UBE2H: variants seen among roughly 807,000 people sequenced by gnomAD.
The protein encoded by UBE2H is ubiquitin conjugating enzyme E2 H.
Under a neutral mutation model 29.0 loss-of-function variants are expected in UBE2H, and 3 were observed. The ratio of observed to expected loss-of-function variants is 0.10; its 90% CI spans 0.05 to 0.27. The LOEUF (loss-of-function observed/expected upper bound fraction) is 0.27. Among genes scored for constraint, UBE2H ranks in the 10% least tolerant of loss-of-function variants. UBE2H has a pLI of 1.00. For synonymous variants in UBE2H, 69 were observed against 82.9 expected, an observed-to-expected ratio of 0.83 and a Z score of 0.91; for missense variants, 68 against 228.2, an observed-to-expected ratio of 0.30 and a Z score of 4.52.
chr7:129,893,676 T>A (rs745948140), intron 1 of UBE2H, among the ~76,000 whole-genome samples: 1 of 152,250 alleles, frequency 6.6e-6, no homozygotes. Context: ...TAGAAGGCTA[T>A]CGATGAAATA....
chr7:129,873,310 C>T (rs1033030637), intron 3 of UBE2H, among the ~76,000 whole-genome samples: 6 of 152,042 alleles, frequency 3.9e-5, no homozygotes, highest in Admixed American at 6.6e-5. Context: ...TGAGCCACCA[C>T]GCCCAGCCAG....
At chr7:129,949,958 T>C (rs924614654) in intron 1 of UBE2H, among the ~76,000 whole-genome samples, 20 of 152,136 alleles carry the variant, frequency 1.3e-4, no homozygotes, top group African/African-American at 4.3e-4. Context: ...CTACTTCCTC[T>C]CCACCATCTT....
chr7:129,874,978 A>G (rs915948204), intron 3 of UBE2H, among the ~76,000 whole-genome samples: 2 of 152,212 alleles, frequency 1.3e-5, no homozygotes, highest in Admixed American at 6.5e-5. Flanking sequence ...GGCTGCTGGG[A>G]AACACGTGGG....
chr7:129,867,527 T>TATCAC (rs1208308469), intron 3 of UBE2H, among the ~76,000 whole-genome samples: 1 of 67,752 alleles, frequency 1.5e-5, no homozygotes, highest in Non-Finnish European at 2.7e-5. Flanking sequence ...GGAAGGGGAA[T>TATCAC]ATCACACTCT....
Position 129,879,430 on chromosome 7 carries a change from GATTA to G in UBE2H, c.205+134_205+137del, listed in dbSNP as rs985398639. 21 of 764,174 alleles carry G rather than the reference GATTA, an allele frequency of 2.7e-5. No homozygotes were observed. In the Middle Eastern group the frequency reaches 1.3e-3, roughly 47 times the overall value. The allele number at this position is 764,174 out of a possible 1,614,324, so 47.3% of individuals were successfully genotyped here. On this transcript the variant is annotated intron_variant, in intron 3 of 6. Coordinates refer to ENST00000355621, the MANE Select transcript of UBE2H (RefSeq NM_003344.4). ...ATAGAAGTTCCCCCCAAAAGTCACT[GATTA>G]ATTAACCAAAGCCAAAAAAGGAAAA...
chr7:129,896,246 A>G (rs1806598393), intron 1 of UBE2H, among the ~76,000 whole-genome samples: 1 of 151,802 alleles, frequency 6.6e-6, no homozygotes, highest in African/African-American at 2.4e-5. Context: ...CTGAGGCAGG[A>G]GAATCGCTTG....
chr7:129,835,802 A>T (rs1025564162), intron 6 of UBE2H, among the ~76,000 whole-genome samples: 2 of 152,210 alleles, frequency 1.3e-5, no homozygotes, highest in African/African-American at 2.4e-5. Flanking sequence ...ACAATAGGAA[A>T]AGACATGACA....
chr7:129,903,897 C>G (rs558051121), intron 1 of UBE2H, among the ~76,000 whole-genome samples: 1 of 152,178 alleles, frequency 6.6e-6, no homozygotes, highest in African/African-American at 2.4e-5. Flanking sequence ...GAGTGACACC[C>G]TGTCTCTTAA....
At chr7:129,854,440 T>C (rs1182572544) in intron 5 of UBE2H, among the ~76,000 whole-genome samples, 2 of 152,242 alleles carry the variant, frequency 1.3e-5, no homozygotes, top group African/African-American at 2.4e-5. Flanking sequence ...ATATTTCTTC[T>C]TGTTTTCCTG....
At chr7:129,901,048 G>GT (rs1312040069) in intron 1 of UBE2H, among the ~76,000 whole-genome samples, 2 of 152,132 alleles carry the variant, frequency 1.3e-5, no homozygotes, top group East Asian at 3.9e-4. Context: ...ACCGTACCAG[G>GT]TGTTTTCTTT....
At chr7:129,897,547 G>A (rs1806623145) in intron 1 of UBE2H, among the ~76,000 whole-genome samples, 1 of 152,098 alleles carries the variant, frequency 6.6e-6, no homozygotes, top group Non-Finnish European at 1.5e-5. Context: ...AGCAATACAT[G>A]CAAAAAGAAA....
chr7:129,943,817 G>A (rs1279504692), intron 1 of UBE2H, among the ~76,000 whole-genome samples: 2 of 152,122 alleles, frequency 1.3e-5, no homozygotes, highest in Non-Finnish European at 2.9e-5. Flanking sequence ...CAGGAGAATC[G>A]CTTGAACTCA....
At chr7:129,952,185 G>A (rs1454438264) in intron 1 of UBE2H, among the ~76,000 whole-genome samples, 3 of 151,956 alleles carry the variant, frequency 2.0e-5, no homozygotes, top group Non-Finnish European at 4.4e-5. Context: ...CGGTGGTAGA[G>A]AGTGAGGCGA....
At chr7:129,949,068 C>G (rs1213210780) in intron 1 of UBE2H, 2 of 456,428 alleles carry the variant, frequency 4.4e-6, no homozygotes, top group Non-Finnish European at 8.8e-6. Flanking sequence ...ATACGCTTTT[C>G]CAAAACAAGC....
chr7:129,873,723 C>G (rs1213312158), intron 3 of UBE2H, among the ~76,000 whole-genome samples: 6 of 152,060 alleles, frequency 3.9e-5, no homozygotes, highest in Admixed American at 3.9e-4. Flanking sequence ...ACAGGATGAG[C>G]CACTGCGCTC....
chr7:129,868,169 C>G (rs1017825278), intron 3 of UBE2H, among the ~76,000 whole-genome samples: 8 of 152,162 alleles, frequency 5.3e-5, no homozygotes, highest in Admixed American at 2.6e-4. Flanking sequence ...ATAACCAGCT[C>G]AAAAGCTAGA....
intron 1 of UBE2H, among the ~76,000 whole-genome samples, chr7:129,912,646 G>A (rs1306010812): frequency 6.6e-6 from 1 of 152,164 alleles, no homozygotes; most frequent in East Asian, 1.9e-4. Context: ...GTGTTACGTA[G>A]GTGCTCAAAA....
In UBE2H at chr7:129,898,130, C is replaced by T. The variant is rs1274292328; in HGVS notation, c.54-17159G>A. 2.6e-5 allele frequency among the ~76,000 whole-genome samples: 4 copies of T among 151,882 alleles called. No homozygotes were observed. In the South Asian group the frequency reaches 6.2e-4, roughly 24 times the overall value. On this transcript the variant is annotated intron_variant, in intron 1 of 6. Coordinates refer to ENST00000355621, the MANE Select transcript of UBE2H (RefSeq NM_003344.4). ...AATCACACCAATATGAGTAAATAAG[C>T]AAGAAAACCCTGGAAAGTCAAGGGA...
At chr7:129,923,933 A>G (rs772376807) in intron 1 of UBE2H, among the ~76,000 whole-genome samples, 15 of 152,238 alleles carry the variant, frequency 9.9e-5, no homozygotes, top group South Asian at 2.1e-4. Context: ...AAGGGCCATT[A>G]ACATCTTGAC....
Sources: allele counts gnomAD v4.1 joint callset (sites outside exome capture counted in the v4.1 genomes callset), GRCh38; gene constraint gnomAD v4.1.1; transcripts MANE v1.5; gene names NCBI Gene and HGNC (gene_info 2026-07-23, HGNC 2026-07-21).